GABRA3: variants seen among roughly 807,000 people sequenced by gnomAD.
GABRA3 encodes the protein gamma-aminobutyric acid type A receptor subunit alpha3.
A neutral mutation model predicts 30.1 loss-of-function variants in GABRA3; 10 were observed. That is an observed-to-expected ratio of 0.33 (90% CI 0.20 to 0.56). The LOEUF (loss-of-function observed/expected upper bound fraction) is 0.56, where lower values mean the gene tolerates loss of function less well. GABRA3 is among the 20% of genes least tolerant of loss of function. The pLI is 0.89. For synonymous variants in GABRA3, 151 were observed against 146.8 expected (o/e 1.03, Z -0.21); for missense variants, 233 against 392.0 (o/e 0.59, Z 3.42).
intron 4 of GABRA3, among the ~76,000 whole-genome samples, chrX:152,257,695 CTT>C (rs888628199): frequency 1.8e-5 from 2 of 112,406 alleles, no homozygotes; most frequent in African/African-American, 6.5e-5. Context: ...TGGAACTAGA[CTT>C]TCACATAAAG....
At chrX:152,332,538 C>T (rs1940178843) in intron 3 of GABRA3, among the ~76,000 whole-genome samples, 1 of 112,247 alleles carries the variant, frequency 8.9e-6, no homozygotes, top group Non-Finnish European at 1.9e-5. Context: ...AGGTTATTTA[C>T]ATAATTTATT....
At chrX:152,333,311 G>A (rs1940189510) in intron 3 of GABRA3, among the ~76,000 whole-genome samples, 2 of 111,819 alleles carry the variant, frequency 1.8e-5, no homozygotes, top group Non-Finnish European at 3.8e-5. Flanking sequence ...CAGTGCTTAT[G>A]AAACACGGAG....
At chrX:152,273,396 A>G (rs1938982927) in intron 4 of GABRA3, among the ~76,000 whole-genome samples, 1 of 112,076 alleles carries the variant, frequency 8.9e-6, no homozygotes, top group South Asian at 3.7e-4. Context: ...TCAAAATATT[A>G]AAGATAGAAC....
intron 9 of GABRA3, among the ~76,000 whole-genome samples, chrX:152,175,653 T>C (rs1302951152): frequency 8.9e-6 from 1 of 111,908 alleles, no homozygotes; most frequent in Non-Finnish European, 1.9e-5. Flanking sequence ...AGAAGGTAAG[T>C]AGAGACCTGA....
At chrX:152,304,781 G>GTTT (rs200813979) in intron 3 of GABRA3, among the ~76,000 whole-genome samples, 1 of 110,862 alleles carries the variant, frequency 9.0e-6, no homozygotes, top group East Asian at 2.8e-4. Context: ...TCCTCAGACT[G>GTTT]TTTTTTTGTT....
At chrX:152,423,995 T>C (rs1323121292) in intron 1 of GABRA3, among the ~76,000 whole-genome samples, 2 of 111,755 alleles carry the variant, frequency 1.8e-5, no homozygotes, top group Non-Finnish European at 3.8e-5. Context: ...TATATTAATT[T>C]GAAAGTTAGC....
chrX:152,208,553 C>T (rs1368992484), intron 6 of GABRA3, among the ~76,000 whole-genome samples: 1 of 111,284 alleles, frequency 9.0e-6, no homozygotes, highest in Non-Finnish European at 1.9e-5. Context: ...TTCGACCCCT[C>T]CAATTCTTAT....
At chrX:152,309,540 A>C (rs1939770132) in intron 3 of GABRA3, among the ~76,000 whole-genome samples, 1 of 111,532 alleles carries the variant, frequency 9.0e-6, no homozygotes, top group Non-Finnish European at 1.9e-5. Flanking sequence ...TATCCAGCCA[A>C]ATTAAGCCTC....
At chrX:152,225,418 G>A (rs6627552) in intron 5 of GABRA3, among the ~76,000 whole-genome samples, 9,927 of 55,931 alleles carry the variant, frequency 0.18, 1,056 homozygotes, top group East Asian at 0.48. Flanking sequence ...ACACACACAC[G>A]CACACACACA....
At chrX:152,223,722 A>C (rs1055587811) in intron 6 of GABRA3, among the ~76,000 whole-genome samples, 1 of 109,689 alleles carries the variant, frequency 9.1e-6, no homozygotes, top group East Asian at 2.9e-4. Flanking sequence ...CTTTTAAATA[A>C]TTAGGGTGAC....
chrX:152,320,552 T>A (rs1281852291), intron 3 of GABRA3, among the ~76,000 whole-genome samples: 1 of 110,622 alleles, frequency 9.0e-6, no homozygotes, highest in East Asian at 2.8e-4. Context: ...AATGATACAA[T>A]GAACTTTGAG....
chrX:152,197,249 C>T (rs1937400965), intron 8 of GABRA3, among the ~76,000 whole-genome samples: 1 of 111,462 alleles, frequency 9.0e-6, no homozygotes, highest in African/African-American at 3.3e-5. Flanking sequence ...AAGTCAAACG[C>T]TCATACAAAA....
intron 1 of GABRA3, among the ~76,000 whole-genome samples, chrX:152,394,173 G>T (rs1397168749): frequency 9.0e-6 from 1 of 111,592 alleles, no homozygotes; most frequent in Non-Finnish European, 1.9e-5. Flanking sequence ...GGAAACTGAA[G>T]CATGAAGATA....
chrX:152,275,240 T>TTATATA (rs1569378363), intron 4 of GABRA3, among the ~76,000 whole-genome samples: 14 of 48,031 alleles, frequency 2.9e-4, no homozygotes, highest in African/African-American at 1.2e-3. Flanking sequence ...TATATATATT[T>TTATATA]TATTATATAT....
chrX:152,263,619 G>C (rs1288770542), intron 4 of GABRA3, among the ~76,000 whole-genome samples: 3 of 110,913 alleles, frequency 2.7e-5, no homozygotes, highest in East Asian at 5.7e-4. Flanking sequence ...AGAGTTATTG[G>C]CCTTAAAGAG....
At chrX:152,247,474 T>A (rs770210560) in intron 5 of GABRA3, among the ~76,000 whole-genome samples, 1 of 111,462 alleles carries the variant, frequency 9.0e-6, no homozygotes, top group East Asian at 2.8e-4. Context: ...GAAAAAAGGT[T>A]TTCACTAGCA....
intron 5 of GABRA3, among the ~76,000 whole-genome samples, chrX:152,236,878 G>T (rs2124395824): frequency 9.7e-6 from 1 of 103,357 alleles, no homozygotes; most frequent in South Asian, 4.6e-4. Flanking sequence ...TGAGTTCATT[G>T]TAGATTCTGG....
chrX:152,166,908 G>A lies in GABRA3; in HGVS notation c.*1320C>T, dbSNP rs765419212. On this transcript the variant is annotated 3_prime_UTR_variant, in exon 10 of 10. Coordinates refer to ENST00000370314, the MANE Select transcript of GABRA3 (RefSeq NM_000808.4). ...ATTAAAGACACTTGTAAGGAGCCTA[G>A]GCAAATCATTCAAACTTCTGGGATT... The A allele has an allele frequency of 9.0e-6, 1 of 110,641 alleles. No homozygotes were observed. The highest frequency in any genetic ancestry group is 3.9e-4 in the South Asian group (1 of 2,589). The allele number at this position is 110,641 out of a possible 1,213,427, so 9.1% of individuals were successfully genotyped here.
rs192427828 is a variant in GABRA3, at chrX:152,436,243, T to A, written c.-27+14903A>T. On this transcript the variant is annotated intron_variant, in intron 1 of 9. Transcript: ENST00000370314. Reference sequence around the variant, plus strand: ...GTTTTTAATTGTTTTTCAAAAATAATTTTTAAATGAAGAACAAAGTTAAAG... The same window carrying A: ...GTTTTTAATTGTTTTTCAAAAATAAATTTTAAATGAAGAACAAAGTTAAAG... 4.1e-3 allele frequency among the ~76,000 whole-genome samples: 457 copies of A among 112,241 alleles called. 1 individual carries two copies. The highest frequency in any genetic ancestry group is 0.013 in the African/African-American group (418 of 30,964).
Sources: allele counts gnomAD v4.1 joint callset (sites outside exome capture counted in the v4.1 genomes callset), GRCh38; gene constraint gnomAD v4.1.1; transcripts MANE v1.5; gene names NCBI Gene and HGNC (gene_info 2026-07-23, HGNC 2026-07-21).